The following DCC variants were observed in gnomAD, a reference collection of about 807,000 sequenced individuals.
The protein encoded by DCC is netrin receptor DCC.
In DCC, 58 loss-of-function variants were observed where a neutral mutation model predicts 172.5. The observed-to-expected ratio is 0.34, with a 90% CI of 0.27 to 0.42. The LOEUF is 0.42. DCC is among the 10% of genes least tolerant of loss of function. The pLI is 1.00. For missense variants in DCC, 1,740 were observed against 1,791.0 expected (o/e 0.97, Z 0.51); for synonymous variants, 709 against 644.5 (o/e 1.10, Z -1.52).
intron 18 of DCC, among the ~76,000 whole-genome samples, chr18:53,401,688 C>T (rs945639103): frequency 3.3e-5 from 5 of 152,108 alleles, no homozygotes; most frequent in South Asian, 2.1e-4. Flanking sequence ...ATCCCAAACA[C>T]GGAACCCAAT....
intron 20 of DCC, among the ~76,000 whole-genome samples, chr18:53,412,454 C>G (rs953121): frequency 5.1e-4 from 77 of 152,024 alleles, no homozygotes; most frequent in Middle Eastern, 3.4e-3. Context: ...TAAGAGATTT[C>G]AAGCTACAAC....
chr18:53,374,263 GA>G (rs1392959376), intron 15 of DCC, among the ~76,000 whole-genome samples: 1 of 152,174 alleles, frequency 6.6e-6, no homozygotes, highest in Non-Finnish European at 1.5e-5. Context: ...CAATAATACA[GA>G]AAACTTCATC....
chr18:52,368,865 G>A lies in DCC; in HGVS notation c.91+27987G>A, dbSNP rs114200542. Among the ~76,000 whole-genome samples the A allele has an allele frequency of 6.0e-3, 910 of 152,232 alleles. 6 individuals carry two copies. Among genetic ancestry groups the A allele is most frequent in the African/African-American group, 0.02 (850 of 41,518 alleles). On this transcript the variant is annotated intron_variant, in intron 1 of 28. Coordinates refer to ENST00000442544, the MANE Select transcript of DCC (RefSeq NM_005215.4). Reference sequence around the variant, plus strand: ...ACTGCTAGTCCTGCTTATGTCCAAGGGAGGGCTGAGCATCAAGTGATATAA... The same window carrying A: ...ACTGCTAGTCCTGCTTATGTCCAAGAGAGGGCTGAGCATCAAGTGATATAA...
intron 1 of DCC, among the ~76,000 whole-genome samples, chr18:52,488,857 T>C (rs1240182273): frequency 2.6e-5 from 4 of 152,110 alleles, no homozygotes; most frequent in Non-Finnish European, 5.9e-5. Flanking sequence ...ATATCCACCA[T>C]AAATTTGATG....
intron 1 of DCC, among the ~76,000 whole-genome samples, chr18:52,415,741 G>A (rs904627521): frequency 1.3e-5 from 2 of 152,104 alleles, no homozygotes; most frequent in African/African-American, 2.4e-5. Context: ...CATTTTTATT[G>A]CGTCTATTTG....
At chr18:52,360,748 T>C (rs995517944) in intron 1 of DCC, among the ~76,000 whole-genome samples, 2 of 152,222 alleles carry the variant, frequency 1.3e-5, no homozygotes, top group Non-Finnish European at 2.9e-5. Flanking sequence ...TTGAAAACAC[T>C]GAAAGTCTTT....
At chr18:53,359,325 G>A (rs893660146) in intron 15 of DCC, among the ~76,000 whole-genome samples, 14 of 152,186 alleles carry the variant, frequency 9.2e-5, no homozygotes, top group South Asian at 2.1e-4. Flanking sequence ...GGGGACTTGC[G>A]TGCAAGTCAT....
intron 14 of DCC, among the ~76,000 whole-genome samples, chr18:53,337,553 A>AT (rs543851443): frequency 2.3e-3 from 343 of 152,242 alleles, no homozygotes; most frequent in African/African-American, 7.8e-3. Flanking sequence ...TTGAGACATA[A>AT]TTTTTTTATG....
At chr18:52,809,928 T>C (rs539797146) in intron 2 of DCC, among the ~76,000 whole-genome samples, 2 of 152,170 alleles carry the variant, frequency 1.3e-5, no homozygotes, top group East Asian at 1.9e-4. Context: ...CTCTACCTGA[T>C]TGGTTGGGTG....
intron 11 of DCC, among the ~76,000 whole-genome samples, chr18:53,213,515 G>A (rs564180658): frequency 5.3e-4 from 80 of 151,906 alleles, no homozygotes; most frequent in Middle Eastern, 6.8e-3. Flanking sequence ...GGGCGTGGTG[G>A]TGGGCACCTG....
intron 2 of DCC, among the ~76,000 whole-genome samples, chr18:52,883,800 T>C (rs2145409675): frequency 6.6e-6 from 1 of 152,176 alleles, no homozygotes; most frequent in South Asian, 2.1e-4. Flanking sequence ...CAGTGAGATT[T>C]GTACCTTCAG....
intron 5 of DCC, among the ~76,000 whole-genome samples, chr18:53,025,941 A>T (rs1312134181): frequency 1.3e-5 from 2 of 152,014 alleles, no homozygotes; most frequent in Non-Finnish European, 2.9e-5. Flanking sequence ...TCTAAGAAAA[A>T]ATCTTTATAC....
chr18:53,007,366 C>A (rs1368675067), intron 5 of DCC, among the ~76,000 whole-genome samples: 3 of 152,046 alleles, frequency 2.0e-5, no homozygotes, highest in Non-Finnish European at 4.4e-5. Context: ...AATTAGTTTC[C>A]TTTGAAATGC....
At chr18:53,503,905 C>G (rs1233316676) in intron 27 of DCC, among the ~76,000 whole-genome samples, 3 of 152,206 alleles carry the variant, frequency 2.0e-5, no homozygotes, top group African/African-American at 7.2e-5. Flanking sequence ...CCAGAGCATT[C>G]TGATCTTTTC....
intron 1 of DCC, among the ~76,000 whole-genome samples, chr18:52,441,047 T>C (rs1311714953): frequency 6.6e-6 from 1 of 152,246 alleles, no homozygotes; most frequent in Non-Finnish European, 1.5e-5. Flanking sequence ...TACATTTGTC[T>C]TTTTCAAGTT....
At chr18:53,239,359 G>A (rs1455342099) in intron 12 of DCC, among the ~76,000 whole-genome samples, 1 of 151,868 alleles carries the variant, frequency 6.6e-6, no homozygotes, top group Non-Finnish European at 1.5e-5. Flanking sequence ...AGATCATTTT[G>A]GGGTTTTTCA....
intron 2 of DCC, among the ~76,000 whole-genome samples, chr18:52,883,927 T>C (rs115339148): frequency 0.017 from 2,607 of 151,636 alleles, 55 homozygotes; most frequent in African/African-American, 0.046. Flanking sequence ...GTATCTAGGA[T>C]GGGCTTTATT....
chr18:53,061,295 C>T (rs764368576), intron 5 of DCC, among the ~76,000 whole-genome samples: 99 of 152,024 alleles, frequency 6.5e-4, no homozygotes, highest in Admixed American at 2.0e-3. Context: ...TTTCTCTTCT[C>T]CCTCTATATT....
At chr18:53,212,860 T>G (rs535430374) in intron 11 of DCC, among the ~76,000 whole-genome samples, 2 of 152,000 alleles carry the variant, frequency 1.3e-5, no homozygotes, top group Non-Finnish European at 2.9e-5. Context: ...TTAATAGAGA[T>G]AGATTTTCAC....
Sources: gnomAD v4.1 joint callset for allele counts (sites outside exome capture counted in the v4.1 genomes callset) on GRCh38, gnomAD v4.1.1 for gene constraint, MANE v1.5 for transcripts, NCBI Gene and HGNC (gene_info 2026-07-23, HGNC 2026-07-21) for gene names.